Variants in ERBB4 observed in about 807,000 individuals in gnomAD.
ERBB4 encodes erb-b2 receptor tyrosine kinase 4.
A neutral mutation model predicts 158.0 loss-of-function variants in ERBB4; 42 were observed. The observed-to-expected ratio is 0.27, with a 90% CI of 0.21 to 0.34. The LOEUF is 0.34. ERBB4 is among the 10% of genes least tolerant of loss of function. The pLI is 1.00. For synonymous variants in ERBB4, 583 were observed against 558.7 expected, an observed-to-expected ratio of 1.04 and a Z score of -0.61; for missense variants, 1,333 against 1,624.1, an observed-to-expected ratio of 0.82 and a Z score of 3.08.
intron 1 of ERBB4, among the ~76,000 whole-genome samples, chr2:212,296,423 T>C (rs766391271): frequency 1.1e-4 from 16 of 152,074 alleles, no homozygotes; most frequent in Non-Finnish European, 2.1e-4. Context: ...ATTGACATAT[T>C]CAATTTGTAG....
At chr2:211,630,062 T>A (rs912220566) in intron 17 of ERBB4, among the ~76,000 whole-genome samples, 1 of 152,112 alleles carries the variant, frequency 6.6e-6, no homozygotes, top group Non-Finnish European at 1.5e-5. Context: ...CTAATTAAAC[T>A]AAAGAGCTTC....
Position 211,630,562 on chromosome 2 carries a change from C to A in ERBB4, c.1979G>T (p.Gly660Val), listed in dbSNP as rs2125873055. 1 of 1,613,190 alleles carries A rather than the reference C, an allele frequency of 6.2e-7. No individual in the cohort carries two copies. Among genetic ancestry groups the A allele is most frequent in the Non-Finnish European group, 8.5e-7 (1 of 1,179,796 alleles). ...TPLIAAGVIG[G>V]LFILVIVGLT... ...ACCCACAATGACCAGAATGAAGAGC[C>A]CACCAATTACTCCAGCTGCAATCAG... Residue 660 changes from glycine to valine, a missense_variant, in exon 17 of 28, where the codon GGG (glycine) becomes GTG (valine). This residue lies in a region of ERBB4 where 245 missense variants were observed against 247.5 expected (regional missense o/e 0.99). Coordinates refer to ENST00000342788, the MANE Select transcript of ERBB4 (RefSeq NM_005235.3).
chr2:211,500,349 G>T (rs1279119343), intron 20 of ERBB4, among the ~76,000 whole-genome samples: 1 of 152,014 alleles, frequency 6.6e-6, no homozygotes, highest in Non-Finnish European at 1.5e-5. Context: ...ATTTAGGAGA[G>T]CTCTAGGTAA....
At position 211,673,178 on chromosome 2, in the gene ERBB4, T is replaced by C; in HGVS notation, c.1702A>G (p.Thr568Ala). Reference sequence around the variant, plus strand: ...TTCAGGCTTACCGGTCCATGGCATGTGAGGAGGCCATCTTCCATCTTCTCA... The same window carrying C: ...TTCAGGCTTACCGGTCCATGGCATGCGAGGAGGCCATCTTCCATCTTCTCA... ...QCEKMEDGLLTCHGPGPDNCT... is the reference protein window; with the variant it reads ...QCEKMEDGLLACHGPGPDNCT... Residue 568 changes from threonine (T) to alanine (A), a missense_variant, in exon 14 of 28, where the codon ACA becomes GCA. Around this residue, in one of 5 missense-constraint regions of ERBB4, gnomAD observed 245 missense variants for 247.5 expected, o/e 0.99. Coordinates refer to ENST00000342788, the MANE Select transcript of ERBB4 (RefSeq NM_005235.3). The C allele has an allele frequency of 6.2e-7, 1 of 1,612,582 alleles. No homozygotes were observed. The highest frequency in any genetic ancestry group is 8.5e-7 in the Non-Finnish European group (1 of 1,178,726).
At chr2:211,508,900 A>C (rs2065819283) in intron 20 of ERBB4, among the ~76,000 whole-genome samples, 1 of 152,022 alleles carries the variant, frequency 6.6e-6, no homozygotes, top group Non-Finnish European at 1.5e-5. Context: ...ACTGCACTCC[A>C]GCCTGGGTGA....
intron 3 of ERBB4, among the ~76,000 whole-genome samples, chr2:211,864,266 G>A (rs572506548): frequency 6.6e-6 from 1 of 152,102 alleles, no homozygotes; most frequent in Non-Finnish European, 1.5e-5. Context: ...CTTGGCATCT[G>A]GCCCTTAATC....
intron 25 of ERBB4, among the ~76,000 whole-genome samples, chr2:211,408,600 C>T (rs2063192307): frequency 6.6e-6 from 1 of 152,162 alleles, no homozygotes; most frequent in Non-Finnish European, 1.5e-5. Context: ...GTTGTAGAAA[C>T]ATGTTTGGCA....
At chr2:212,510,651 T>C (rs965459712) in intron 1 of ERBB4, among the ~76,000 whole-genome samples, 1 of 152,040 alleles carries the variant, frequency 6.6e-6, no homozygotes, top group Non-Finnish European at 1.5e-5. Flanking sequence ...TGTGAGTAGA[T>C]AGAATAACAG....
Position 212,310,086 on chromosome 2 carries a change from C to T in ERBB4, c.83-185183G>A, listed in dbSNP as rs1387039725. 4.7e-5 allele frequency among the ~76,000 whole-genome samples: 7 copies of T among 150,244 alleles called. 1 individual carries two copies. The highest frequency in any genetic ancestry group is 1.7e-4 in the African/African-American group (7 of 41,142). On this transcript the variant is annotated intron_variant, in intron 1 of 27. Transcript: ENST00000342788. ...GTAAACAGGTTTCTATAATAAACTG[C>T]CCCTCAGTTAAAAGTCAGTTTATTT...
chr2:211,594,194 T>G (rs1403908930), intron 19 of ERBB4, among the ~76,000 whole-genome samples: 2 of 152,180 alleles, frequency 1.3e-5, no homozygotes, highest in Non-Finnish European at 2.9e-5. Context: ...CCCAGCACTT[T>G]GGGAGACCGA....
intron 2 of ERBB4, among the ~76,000 whole-genome samples, chr2:212,005,682 C>T (rs1282473665): frequency 6.6e-6 from 1 of 152,172 alleles, no homozygotes; most frequent in African/African-American, 2.4e-5. Context: ...AGGAAAGCAA[C>T]ACCTTACAGA....
At chr2:211,973,146 T>C (rs894162339) in intron 2 of ERBB4, among the ~76,000 whole-genome samples, 3 of 150,816 alleles carry the variant, frequency 2.0e-5, no homozygotes, top group Non-Finnish European at 4.4e-5. Context: ...AAAGAAGACA[T>C]ATGTGTGGCC....
intron 3 of ERBB4, among the ~76,000 whole-genome samples, chr2:211,945,207 T>C (rs945546546): frequency 3.3e-5 from 5 of 152,278 alleles, no homozygotes; most frequent in African/African-American, 7.2e-5. Context: ...TTCTTCCATG[T>C]GAACTGTTAG....
At chr2:212,029,892 A>G (rs1258286305) in intron 2 of ERBB4, among the ~76,000 whole-genome samples, 1 of 152,114 alleles carries the variant, frequency 6.6e-6, no homozygotes, top group East Asian at 1.9e-4. Context: ...CCACTCTAAC[A>G]AGCCTTCTCA....
At chr2:211,595,636 A>G (rs1039265235) in intron 19 of ERBB4, among the ~76,000 whole-genome samples, 11 of 152,150 alleles carry the variant, frequency 7.2e-5, no homozygotes, top group African/African-American at 2.7e-4. Flanking sequence ...ACCACACAGA[A>G]ATACAGTTAA....
At chr2:212,372,151 C>T (rs2039302284) in intron 1 of ERBB4, among the ~76,000 whole-genome samples, 1 of 151,978 alleles carries the variant, frequency 6.6e-6, no homozygotes, top group African/African-American at 2.4e-5. Flanking sequence ...GCCCCCTTTT[C>T]CTTACTTAAT....
At chr2:211,895,197 C>A (rs1258402989) in intron 3 of ERBB4, among the ~76,000 whole-genome samples, 1 of 152,086 alleles carries the variant, frequency 6.6e-6, no homozygotes, top group Admixed American at 6.6e-5. Context: ...TCTCAAACTC[C>A]TTTCTTAGGT....
intron 3 of ERBB4, among the ~76,000 whole-genome samples, chr2:211,866,744 A>C (rs2078215023): frequency 6.6e-6 from 1 of 152,180 alleles, no homozygotes; most frequent in African/African-American, 2.4e-5. Flanking sequence ...TCCTATAAAA[A>C]TCCTCAATTG....
At chr2:211,423,723 A>G (rs1340223517) in intron 23 of ERBB4, among the ~76,000 whole-genome samples, 2 of 151,960 alleles carry the variant, frequency 1.3e-5, no homozygotes, top group Non-Finnish European at 2.9e-5. Context: ...TTTCTATTAA[A>G]TTAATTTTTA....
Sources: allele counts gnomAD v4.1 joint callset (sites outside exome capture counted in the v4.1 genomes callset), GRCh38; gene constraint gnomAD v4.1.1; regional missense constraint gnomAD v4.1.1; transcripts MANE v1.5; gene names NCBI Gene and HGNC (gene_info 2026-07-23, HGNC 2026-07-21).